The following PAK5 variants were observed in gnomAD, a reference collection of about 807,000 sequenced individuals.
PAK5 encodes p21 (RAC1) activated kinase 5, also known as serine/threonine-protein kinase PAK 5.
Under a neutral mutation model 65.9 loss-of-function variants are expected in PAK5, and 16 were observed. The ratio of observed to expected loss-of-function variants is 0.24; its 90% CI spans 0.16 to 0.37. The LOEUF is 0.37. Ranked by LOEUF, PAK5 falls within the 10% of genes least tolerant of loss-of-function variation. The pLI is 1.00. For missense variants in PAK5, 785 were observed against 903.9 expected (o/e 0.87, Z 1.69); for synonymous variants, 371 against 354.9 (o/e 1.05, Z -0.51).
At chr20:9,575,246 G>T (rs1219399295) in intron 4 of PAK5, among the ~76,000 whole-genome samples, 2 of 152,108 alleles carry the variant, frequency 1.3e-5, no homozygotes, top group African/African-American at 4.8e-5. Context: ...CTAGGCTGGA[G>T]TGTAGTAGTG....
At chr20:9,739,738 T>C (rs2048430806) in intron 1 of PAK5, among the ~76,000 whole-genome samples, 1 of 152,120 alleles carries the variant, frequency 6.6e-6, no homozygotes, top group South Asian at 2.1e-4. Context: ...TTTGAGAGAA[T>C]ACAAGACTGA....
At chr20:9,604,397 T>C in intron 3 of PAK5, among the ~76,000 whole-genome samples, 1 of 152,236 alleles carries the variant, frequency 6.6e-6, no homozygotes. Context: ...ACCCCATGTC[T>C]CATTTTCTGG....
intron 3 of PAK5, among the ~76,000 whole-genome samples, chr20:9,630,970 A>G (rs2046913680): frequency 6.6e-6 from 1 of 152,194 alleles, no homozygotes; most frequent in Non-Finnish European, 1.5e-5. Context: ...TCACAGGTCC[A>G]TGGATGGAAA....
rs192895732 is a variant in PAK5 at position 9,583,182 on chromosome 20, T to C, written c.205-2252A>G. Among the ~76,000 whole-genome samples the C allele has an allele frequency of 4.7e-4, 72 of 152,326 alleles. 1 individual carries two copies. Among genetic ancestry groups the C allele is most frequent in the African/African-American group, 1.6e-3 (66 of 41,590 alleles). On this transcript the variant is annotated intron_variant, in intron 3 of 9. Coordinates refer to ENST00000353224, the MANE Select transcript of PAK5 (RefSeq NM_177990.4). ...ACTCATGAACACACTCACACACCTA[T>C]AATTATATCCATCCATCTGTATCTA...
intron 1 of PAK5, among the ~76,000 whole-genome samples, chr20:9,810,223 C>T (rs1236312616): frequency 6.6e-5 from 10 of 152,028 alleles, no homozygotes; most frequent in Non-Finnish European, 1.5e-4. Flanking sequence ...TTGAAAGCAC[C>T]AAAGGTGACC....
intron 1 of PAK5, among the ~76,000 whole-genome samples, chr20:9,790,052 C>T (rs570686315): frequency 1.3e-5 from 2 of 152,248 alleles, no homozygotes; most frequent in African/African-American, 2.4e-5. Context: ...CTTCATTCTC[C>T]AGCATCATCT....
chr20:9,700,964 T>TA (rs1342598268), intron 2 of PAK5, among the ~76,000 whole-genome samples: 1 of 152,112 alleles, frequency 6.6e-6, no homozygotes, highest in Non-Finnish European at 1.5e-5. Flanking sequence ...AAGCTTCCTT[T>TA]AAAAAACTGG....
intron 9 of PAK5, among the ~76,000 whole-genome samples, chr20:9,539,826 A>C (rs2045231198): frequency 6.6e-6 from 1 of 152,240 alleles, no homozygotes; most frequent in Non-Finnish European, 1.5e-5. Flanking sequence ...ATAGGTGTAA[A>C]TGACAGCTCA....
At position 9,566,281 on chromosome 20, in the gene PAK5, C is replaced by G. The variant is rs778974166; in HGVS notation, c.1094G>C (p.Gly365Ala). The G allele has an allele frequency of 1.9e-6, 3 of 1,613,650 alleles. No individual in the cohort carries two copies. Among genetic ancestry groups the G allele is most frequent in the South Asian group, 2.2e-5 (2 of 91,070 alleles). The change falls in exon 5 of 10, where the codon GGC (glycine) becomes GCC (alanine). Residue 365 changes from glycine to alanine, a missense_variant. By Grantham distance (60) the Gly-to-Ala change is moderately conservative. Around this residue, in one of 4 missense-constraint regions of PAK5, gnomAD observed 422 missense variants for 413.3 expected, o/e 1.02. Coordinates refer to ENST00000353224, the MANE Select transcript of PAK5 (RefSeq NM_177990.4). ...GTACTGGTGACTGCTTGAGGAATAGCCCGATTTGCTTTGACTTTGAGGTAG... is the reference window on the plus strand; with the variant it reads ...GTACTGGTGACTGCTTGAGGAATAGGCCGATTTGCTTTGACTTTGAGGTAG... The part of the protein sequence containing the change: ...AKLPQSQSKS[G>A]YSSSSHQYPS...
chr20:9,761,366 A>G (rs2048697376), intron 1 of PAK5, among the ~76,000 whole-genome samples: 1 of 152,184 alleles, frequency 6.6e-6, no homozygotes, highest in African/African-American at 2.4e-5. Context: ...ACTGTAGAAC[A>G]CTGATGAAAT....
chr20:9,641,044 G>C (rs1341221516), intron 3 of PAK5, among the ~76,000 whole-genome samples: 4 of 152,188 alleles, frequency 2.6e-5, no homozygotes, highest in African/African-American at 9.7e-5. Context: ...CTGCTGATTG[G>C]TAGAGCCCAG....
At chr20:9,721,838 T>C (rs1335552170) in intron 1 of PAK5, among the ~76,000 whole-genome samples, 1 of 152,026 alleles carries the variant, frequency 6.6e-6, no homozygotes, top group African/African-American at 2.4e-5. Flanking sequence ...TATTTAGCTA[T>C]CACAAAAACT....
intron 1 of PAK5, among the ~76,000 whole-genome samples, chr20:9,776,303 G>A (rs2048886581): frequency 6.6e-6 from 1 of 152,162 alleles, no homozygotes; most frequent in African/African-American, 2.4e-5. Context: ...AAGAGTAAGA[G>A]ACATTCATCT....
chr20:9,610,193 A>C (rs1350334200), intron 3 of PAK5, among the ~76,000 whole-genome samples: 1 of 152,244 alleles, frequency 6.6e-6, no homozygotes, highest in Admixed American at 6.5e-5. Context: ...TAATTGGCTA[A>C]TAAACTTCAC....
rs201538732 is a variant in PAK5 at position 9,557,683 on chromosome 20, G to A, written c.1668C>T (p.Leu556=). Residue 556 remains leucine, a synonymous_variant, in exon 7 of 10, where the codon CTC becomes CTT. Coordinates refer to ENST00000353224, the MANE Select transcript of PAK5 (RefSeq NM_177990.4). ...ATVCLSVLRA[L]SYLHNQGVIH... is the part of the protein sequence containing the mutation. ...TCACTCCTTGGTTATGAAGGTAGGA[G>A]AGAGCTCTCAGAACTGACAGGCAGA... The A allele has an allele frequency of 1.4e-5, 22 of 1,611,372 alleles. No homozygotes were observed. Among genetic ancestry groups the A allele is most frequent in the Admixed American group, 1.7e-5 (1 of 59,958 alleles).
chr20:9,794,397 G>A (rs368479886), intron 1 of PAK5, among the ~76,000 whole-genome samples: 15 of 152,156 alleles, frequency 9.9e-5, no homozygotes, highest in African/African-American at 3.6e-4. Flanking sequence ...GAGCTGGAAA[G>A]TGGATATAAA....
At chr20:9,787,376 G>A (rs2049003346) in intron 1 of PAK5, among the ~76,000 whole-genome samples, 1 of 152,166 alleles carries the variant, frequency 6.6e-6, no homozygotes, top group African/African-American at 2.4e-5. Context: ...TGTGCCTGGA[G>A]TGCTTGTCTA....
At chr20:9,744,460 C>T (rs2048484665) in intron 1 of PAK5, among the ~76,000 whole-genome samples, 1 of 152,186 alleles carries the variant, frequency 6.6e-6, no homozygotes, top group Non-Finnish European at 1.5e-5. Flanking sequence ...AAAGACTTTT[C>T]TGATGACATT....
intron 2 of PAK5, among the ~76,000 whole-genome samples, chr20:9,674,379 A>T (rs1216057443): frequency 6.6e-6 from 1 of 152,260 alleles, no homozygotes; most frequent in East Asian, 1.9e-4. Context: ...TTGAGACCCT[A>T]TGTGTCCTGA....
Sources: gnomAD v4.1 joint callset for allele counts (sites outside exome capture counted in the v4.1 genomes callset) on GRCh38, gnomAD v4.1.1 for gene constraint, gnomAD v4.1.1 regional missense constraint, MANE v1.5 for transcripts, NCBI Gene and HGNC (gene_info 2026-07-23, HGNC 2026-07-21) for gene names.